C12orf42: variants seen among roughly 807,000 people sequenced by gnomAD.
C12orf42 encodes chromosome 12 open reading frame 42, also known as uncharacterized protein C12orf42.
Under a neutral mutation model 21.6 loss-of-function variants are expected in C12orf42, and 25 were observed. The observed-to-expected ratio is 1.16, with a 90% CI of 0.84 to 1.62. The LOEUF is 1.62. C12orf42 is among the 40% of genes most tolerant of loss of function. The pLI is 0.00. For synonymous variants in C12orf42, 174 were observed against 175.0 expected (o/e 0.99, Z 0.05); for missense variants, 483 against 459.3 (o/e 1.05, Z -0.47).
At chr12:103,486,544 C>A (rs1254659515) in intron 1 of C12orf42, among the ~76,000 whole-genome samples, 2 of 151,980 alleles carry the variant, frequency 1.3e-5, no homozygotes, top group Non-Finnish European at 2.9e-5. Context: ...GGTACCAGTT[C>A]TTCTTTGTAC....
chr12:103,217,363 C>T, the C12orf42 span, among the ~76,000 whole-genome samples: 1 of 151,830 alleles, frequency 6.6e-6, no homozygotes, highest in African/African-American at 2.4e-5. Flanking sequence ...CAAAAAAACA[C>T]ACAAACAAAC....
the C12orf42 span, among the ~76,000 whole-genome samples, chr12:103,181,545 T>C: frequency 2.0e-5 from 3 of 152,316 alleles, no homozygotes; most frequent in African/African-American, 7.2e-5. Flanking sequence ...TTTGTTTCAG[T>C]TTGAAACACC....
the C12orf42 span, among the ~76,000 whole-genome samples, chr12:103,176,573 A>G: frequency 2.6e-5 from 4 of 152,178 alleles, no homozygotes; most frequent in South Asian, 8.3e-4. Flanking sequence ...TGTGTCATTT[A>G]ACTCTCATAA....
chr12:103,307,528 CA>C (rs941415553), intron 4 of C12orf42, among the ~76,000 whole-genome samples: 1 of 152,084 alleles, frequency 6.6e-6, no homozygotes, highest in African/African-American at 2.4e-5. Flanking sequence ...CCCCAATTGT[CA>C]AAGATATTAA....
At chr12:103,283,583 T>C (rs758555924) in intron 4 of C12orf42, among the ~76,000 whole-genome samples, 22 of 152,208 alleles carry the variant, frequency 1.4e-4, no homozygotes, top group Non-Finnish European at 2.8e-4. Flanking sequence ...GCCAGCTCAT[T>C]TTCCTCTCCA....
At chr12:103,495,609 C>T (rs902665759) in intron 1 of C12orf42, among the ~76,000 whole-genome samples, 8 of 133,948 alleles carry the variant, frequency 6.0e-5, no homozygotes, top group Non-Finnish European at 9.8e-5. Flanking sequence ...CAACGGGGGG[C>T]GGGGGATTAA....
At chr12:103,306,390 C>T (rs758725278) in intron 4 of C12orf42, 45 bp from the exon 5 acceptor site, 3 of 1,526,630 alleles carry the variant, frequency 2.0e-6, no homozygotes, top group South Asian at 1.3e-5. Context: ...ACCAAAAACA[C>T]CTGCTAAATT....
chr12:103,102,979 C>A, the C12orf42 span, among the ~76,000 whole-genome samples: 1 of 152,182 alleles, frequency 6.6e-6, no homozygotes, highest in South Asian at 2.1e-4. Flanking sequence ...ATTCCTGCCA[C>A]AGGTCTTCTC....
At chr12:103,225,219 G>T in the C12orf42 span, among the ~76,000 whole-genome samples, 1 of 152,292 alleles carries the variant, frequency 6.6e-6, no homozygotes, top group Admixed American at 6.5e-5. Context: ...AGAGTGTACT[G>T]GGTTGGGCAC....
the C12orf42 span, among the ~76,000 whole-genome samples, chr12:103,092,034 G>T: frequency 6.6e-6 from 1 of 152,098 alleles, no homozygotes. Flanking sequence ...CAATATATGG[G>T]GAAAAGCAGA....
intron 2 of C12orf42, among the ~76,000 whole-genome samples, chr12:103,424,179 C>T (rs866880572): frequency 2.0e-5 from 3 of 152,236 alleles, no homozygotes; most frequent in Non-Finnish European, 4.4e-5. Context: ...CATGGTGCCT[C>T]TTCCCATTTG....
chr12:103,321,243 A>G (rs1304127007), intron 4 of C12orf42, among the ~76,000 whole-genome samples: 4 of 151,642 alleles, frequency 2.6e-5, no homozygotes, highest in Non-Finnish European at 5.9e-5. Context: ...ACATTTATGC[A>G]GCCAAAAAAC....
chr12:103,494,250 T>C (rs1041503587), intron 1 of C12orf42, among the ~76,000 whole-genome samples: 13 of 152,014 alleles, frequency 8.6e-5, no homozygotes, highest in Admixed American at 7.9e-4. Context: ...CAGAAGGGAG[T>C]TTATTGTGAA....
chr12:103,466,460 G>A (rs893157687), intron 2 of C12orf42, among the ~76,000 whole-genome samples: 1 of 152,028 alleles, frequency 6.6e-6, no homozygotes, highest in African/African-American at 2.4e-5. Flanking sequence ...TTTCCCTTAA[G>A]TATGAGCTAG....
chr12:103,399,226 AT>A (rs1292262521), intron 3 of C12orf42, among the ~76,000 whole-genome samples: 1 of 151,560 alleles, frequency 6.6e-6, no homozygotes, highest in Non-Finnish European at 1.5e-5. Context: ...GTTCTTATAT[AT>A]TTTTCCCTAT....
intron 2 of C12orf42, among the ~76,000 whole-genome samples, chr12:103,409,778 T>C (rs1219594007): frequency 2.0e-5 from 3 of 152,204 alleles, no homozygotes; most frequent in Admixed American, 2.0e-4. Flanking sequence ...TCCTTGACTT[T>C]AAAATAATGT....
chr12:103,518,982 C>G, the C12orf42 span, among the ~76,000 whole-genome samples: 5 of 152,150 alleles, frequency 3.3e-5, no homozygotes, highest in Non-Finnish European at 5.9e-5. Flanking sequence ...TTGTAATCCC[C>G]GTAACCCCCC....
the C12orf42 span, among the ~76,000 whole-genome samples, chr12:103,523,348 T>A: frequency 2.0e-5 from 3 of 152,104 alleles, no homozygotes; most frequent in African/African-American, 7.2e-5. Context: ...ATTCTAAAAA[T>A]GTTACTGATT....
At chr12:103,272,146 A>G (rs922130273) in intron 5 of C12orf42, among the ~76,000 whole-genome samples, 1 of 152,284 alleles carries the variant, frequency 6.6e-6, no homozygotes, top group East Asian at 1.9e-4. Context: ...AAATTACTTG[A>G]AGCATTACCT....
Sources: gnomAD v4.1 joint callset for allele counts (sites outside exome capture counted in the v4.1 genomes callset) on GRCh38, gnomAD v4.1.1 for gene constraint, MANE v1.5 for transcripts, NCBI Gene and HGNC (gene_info 2026-07-23, HGNC 2026-07-21) for gene names.